The following IL1RAPL2 variants were observed in gnomAD, a reference collection of about 807,000 sequenced individuals.
IL1RAPL2 encodes the protein interleukin 1 receptor accessory protein like 2, also known as X-linked interleukin-1 receptor accessory protein-like 2.
A neutral mutation model predicts 44.1 loss-of-function variants in IL1RAPL2; 3 were observed. The observed-to-expected ratio is 0.07, with a 90% CI of 0.03 to 0.18. IL1RAPL2 has a LOEUF of 0.18. Ranked by LOEUF, IL1RAPL2 falls within the 10% of genes least tolerant of loss-of-function variation. The probability of loss-of-function intolerance (pLI) is 1.00; values close to 1 mark genes in which losing one functional copy is unlikely to be tolerated. For synonymous variants in IL1RAPL2, 181 were observed against 178.8 expected (o/e 1.01, Z -0.10); for missense variants, 391 against 496.4 (o/e 0.79, Z 2.02).
chrX:105,059,473 C>T, intron 2 of IL1RAPL2, among the ~76,000 whole-genome samples: 1 of 112,341 alleles, frequency 8.9e-6, no homozygotes, highest in Admixed American at 9.4e-5. Context: ...TCTTTTATGG[C>T]TAAATATTAC....
At chrX:105,082,940 C>T (rs902674416) in intron 2 of IL1RAPL2, among the ~76,000 whole-genome samples, 11 of 110,958 alleles carry the variant, frequency 9.9e-5, no homozygotes, top group Admixed American at 4.8e-4. Flanking sequence ...CAAAACTGGA[C>T]GGAGAATGAG....
At chrX:105,747,991 G>A (rs1269190638) in intron 8 of IL1RAPL2, among the ~76,000 whole-genome samples, 1 of 111,034 alleles carries the variant, frequency 9.0e-6, no homozygotes, top group Non-Finnish European at 1.9e-5. Flanking sequence ...TGGAAAATAC[G>A]TCTCTGGTCT....
At chrX:105,451,277 C>G (rs904378780) in intron 5 of IL1RAPL2, among the ~76,000 whole-genome samples, 3 of 111,460 alleles carry the variant, frequency 2.7e-5, no homozygotes, top group Admixed American at 9.6e-5. Flanking sequence ...TTAAACATCG[C>G]TATCTCTTGA....
At chrX:105,031,347 T>G (rs1337893927) in intron 2 of IL1RAPL2, among the ~76,000 whole-genome samples, 2 of 109,390 alleles carry the variant, frequency 1.8e-5, no homozygotes, top group Non-Finnish European at 1.9e-5. Flanking sequence ...TGCTTCCAGT[T>G]TTTGCCCATT....
chrX:105,685,760 C>G (rs900916526), intron 6 of IL1RAPL2, among the ~76,000 whole-genome samples: 2 of 111,259 alleles, frequency 1.8e-5, no homozygotes, highest in African/African-American at 3.3e-5. Context: ...TCAGATTAAC[C>G]AAGGTTGAAA....
chrX:104,850,739 G>A (rs1922203355), intron 2 of IL1RAPL2, among the ~76,000 whole-genome samples: 1 of 111,284 alleles, frequency 9.0e-6, no homozygotes, highest in African/African-American at 3.3e-5. Flanking sequence ...CATAAGAAAT[G>A]AGTATATTTT....
At chrX:104,623,200 C>A (rs759516100) in intron 1 of IL1RAPL2, among the ~76,000 whole-genome samples, 1 of 111,155 alleles carries the variant, frequency 9.0e-6, no homozygotes, top group Non-Finnish European at 1.9e-5. Flanking sequence ...GTTGGGAAGA[C>A]TGTATTCTTT....
At chrX:104,700,315 T>C (rs1931254094) in intron 2 of IL1RAPL2, among the ~76,000 whole-genome samples, 1 of 111,743 alleles carries the variant, frequency 8.9e-6, no homozygotes, top group Admixed American at 9.5e-5. Context: ...TTCAGAGACC[T>C]GAATATCGGG....
intron 2 of IL1RAPL2, among the ~76,000 whole-genome samples, chrX:104,967,577 C>T (rs2030151091): frequency 1.8e-5 from 2 of 110,900 alleles, no homozygotes; most frequent in East Asian, 2.8e-4. Flanking sequence ...AAAAGACAAA[C>T]CTTGTAGAAT....
At chrX:104,950,852 C>T (rs1182693581) in intron 2 of IL1RAPL2, among the ~76,000 whole-genome samples, 4 of 111,012 alleles carry the variant, frequency 3.6e-5, no homozygotes, top group Non-Finnish European at 7.6e-5. Context: ...GGACTACAGG[C>T]GCCCGCCACC....
chrX:105,042,360 T>A (rs1445918614), intron 2 of IL1RAPL2, among the ~76,000 whole-genome samples: 2 of 110,617 alleles, frequency 1.8e-5, no homozygotes, highest in Non-Finnish European at 3.8e-5. Context: ...GAATCTGCAA[T>A]GAACTCAAAC....
intron 2 of IL1RAPL2, among the ~76,000 whole-genome samples, chrX:104,790,142 A>T (rs971717513): frequency 8.9e-6 from 1 of 112,092 alleles, no homozygotes; most frequent in East Asian, 2.8e-4. Flanking sequence ...ATACAAAAAA[A>T]TTTTTGTTTA....
chrX:104,989,807 G>A (rs777481425), intron 2 of IL1RAPL2, among the ~76,000 whole-genome samples: 19 of 111,533 alleles, frequency 1.7e-4, no homozygotes, highest in Non-Finnish European at 3.4e-4. Context: ...ATTTTGTCAT[G>A]ACTCTATTTC....
chrX:104,890,980 G>T (rs1057118210), intron 2 of IL1RAPL2, among the ~76,000 whole-genome samples: 1 of 111,806 alleles, frequency 8.9e-6, no homozygotes, highest in Non-Finnish European at 1.9e-5. Flanking sequence ...TTTGTATAAG[G>T]TGTAAGGAAG....
In IL1RAPL2 at chrX:105,088,622, A is replaced by G. The variant is rs979008495; in HGVS notation, c.83-106853A>G. Among the ~76,000 whole-genome samples the G allele has an allele frequency of 4.5e-5, 5 of 110,941 alleles. No individual in the cohort carries two copies. The East Asian group carries it at 8.5e-4, about 19-fold the overall frequency. ...TATTTAATTGCTTTGGTTTTTTTCT[A>G]TTATAAATTTCACCTTTCATACCAC... On this transcript the variant is annotated intron_variant, in intron 2 of 10. Transcript: ENST00000372582.
intron 2 of IL1RAPL2, among the ~76,000 whole-genome samples, chrX:104,737,633 G>A (rs73243901): frequency 0.01 from 1,143 of 111,726 alleles, 11 homozygotes; most frequent in South Asian, 0.076. Context: ...TTGCTCTGCT[G>A]GTAATGCCTG....
intron 1 of IL1RAPL2, among the ~76,000 whole-genome samples, chrX:104,632,159 T>C (rs370935286): frequency 1.7e-4 from 19 of 111,249 alleles, no homozygotes; most frequent in Non-Finnish European, 2.8e-4. Flanking sequence ...TGTAGATATG[T>C]GGCATTATTT....
At chrX:104,672,848 T>C (rs1930643506) in intron 2 of IL1RAPL2, among the ~76,000 whole-genome samples, 1 of 112,015 alleles carries the variant, frequency 8.9e-6, no homozygotes, top group Non-Finnish European at 1.9e-5. Context: ...TGATGACCAG[T>C]GATGACGAGC....
chrX:104,879,781 C>A (rs978123935), intron 2 of IL1RAPL2, among the ~76,000 whole-genome samples: 2 of 111,476 alleles, frequency 1.8e-5, no homozygotes, highest in Non-Finnish European at 3.8e-5. Context: ...TGTTTCAGGA[C>A]AGGATCTCAT....
Sources: allele counts gnomAD v4.1 joint callset (sites outside exome capture counted in the v4.1 genomes callset), GRCh38; gene constraint gnomAD v4.1.1; transcripts MANE v1.5; gene names NCBI Gene and HGNC (gene_info 2026-07-23, HGNC 2026-07-21).